The following XKR4 variants were observed in gnomAD, a reference collection of about 807,000 sequenced individuals.
XKR4 encodes XK-related protein 4.
XKR4 carries 12 observed loss-of-function variants against 53.9 expected under a neutral mutation model. That is an observed-to-expected ratio of 0.22 (90% CI 0.14 to 0.36). The LOEUF (loss-of-function observed/expected upper bound fraction) is 0.36, where lower values mean the gene tolerates loss of function less well. Among genes scored for constraint, XKR4 ranks in the 10% least tolerant of loss-of-function variants. XKR4 has a pLI of 1.00. For synonymous variants in XKR4, 354 were observed against 362.4 expected, an observed-to-expected ratio of 0.98 and a Z score of 0.26; for missense variants, 799 against 859.5, an observed-to-expected ratio of 0.93 and a Z score of 0.88.
chr8:55,452,412 G>A, intron 2 of XKR4: 1 of 627,260 alleles, frequency 1.6e-6, no homozygotes, highest in East Asian at 2.9e-5. Context: ...GGCGCCCTCA[G>A]CTGGGAGCAG....
intron 1 of XKR4, among the ~76,000 whole-genome samples, chr8:55,259,856 T>A (rs1187001680): frequency 1.3e-5 from 2 of 152,108 alleles, no homozygotes; most frequent in Non-Finnish European, 2.9e-5. Context: ...TTTATTCAAA[T>A]TCACTGAGAC....
At chr8:55,213,815 C>T (rs1314643611) in intron 1 of XKR4, among the ~76,000 whole-genome samples, 2 of 146,172 alleles carry the variant, frequency 1.4e-5, no homozygotes, top group Non-Finnish European at 1.5e-5. Flanking sequence ...TCAATAGAGT[C>T]AATAACAGTT....
intron 2 of XKR4, among the ~76,000 whole-genome samples, chr8:55,514,669 C>CA (rs1806685262): frequency 6.6e-6 from 1 of 151,672 alleles, no homozygotes; most frequent in Admixed American, 6.6e-5. Flanking sequence ...AGAAAAGCAA[C>CA]AAAAAAACAA....
At chr8:55,291,270 G>A (rs1819014855) in intron 1 of XKR4, among the ~76,000 whole-genome samples, 1 of 152,146 alleles carries the variant, frequency 6.6e-6, no homozygotes, top group South Asian at 2.1e-4. Context: ...TACTATAGAT[G>A]TATAATAAGT....
chr8:55,379,781 T>A (rs189801864), intron 2 of XKR4, among the ~76,000 whole-genome samples: 1 of 152,334 alleles, frequency 6.6e-6, no homozygotes, highest in East Asian at 1.9e-4. Flanking sequence ...TTCCAGGGCA[T>A]CTTCGGGTGG....
At chr8:55,170,810 T>A (rs1247717452) in intron 1 of XKR4, among the ~76,000 whole-genome samples, 2 of 152,110 alleles carry the variant, frequency 1.3e-5, no homozygotes, top group African/African-American at 2.4e-5. Flanking sequence ...TGGGATAAAG[T>A]TTTCCTCTGA....
chr8:55,265,555 G>A (rs1818585879), intron 1 of XKR4, among the ~76,000 whole-genome samples: 1 of 152,128 alleles, frequency 6.6e-6, no homozygotes. Flanking sequence ...TTCAACCTAA[G>A]AGTAAGAAAG....
intron 1 of XKR4, among the ~76,000 whole-genome samples, chr8:55,158,917 G>A (rs995997624): frequency 3.9e-5 from 6 of 152,178 alleles, no homozygotes; most frequent in Non-Finnish European, 7.3e-5. Flanking sequence ...GTAATGTGAT[G>A]TCTCCAGCTT....
At chr8:55,365,093 G>A (rs1803957017) in intron 2 of XKR4, among the ~76,000 whole-genome samples, 1 of 152,208 alleles carries the variant, frequency 6.6e-6, no homozygotes, top group Non-Finnish European at 1.5e-5. Flanking sequence ...AACTTGGGTA[G>A]GACCAGGGCA....
Position 55,467,854 on chromosome 8 carries a change from G to GT in XKR4, c.1007-55421dup, listed in dbSNP as rs1785506849. 5.3e-5 allele frequency among the ~76,000 whole-genome samples: 8 copies of GT among 152,128 alleles called. No homozygotes were observed. The South Asian group carries it at 1.0e-3, about 20-fold the overall frequency. On this transcript the variant is annotated intron_variant, in intron 2 of 2. Coordinates refer to ENST00000327381, the MANE Select transcript of XKR4 (RefSeq NM_052898.2). ...CTCTAAGGGTAATTATCTGTTACTTGTTTTTTAATAACCTCATGTTGAATA... is the reference window on the plus strand; with the variant it reads ...CTCTAAGGGTAATTATCTGTTACTTGTTTTTTTAATAACCTCATGTTGAATA...
chr8:55,480,025 G>C (rs1806074193), intron 2 of XKR4, among the ~76,000 whole-genome samples: 1 of 130,030 alleles, frequency 7.7e-6, no homozygotes, highest in African/African-American at 3.8e-5. Flanking sequence ...AATAGAAAAA[G>C]AGGGAATCCT....
intron 2 of XKR4, among the ~76,000 whole-genome samples, chr8:55,495,992 A>G (rs1806342082): frequency 6.6e-6 from 1 of 152,252 alleles, no homozygotes; most frequent in South Asian, 2.1e-4. Flanking sequence ...TCAAGGTCAA[A>G]TTAACTTGAG....
intron 2 of XKR4, among the ~76,000 whole-genome samples, chr8:55,418,747 G>A (rs569461252): frequency 3.3e-5 from 5 of 152,260 alleles, no homozygotes; most frequent in East Asian, 3.9e-4. Flanking sequence ...CAGTGATAGC[G>A]GCTGTTTCCT....
chr8:55,298,438 C>G (rs1819132065), intron 1 of XKR4, among the ~76,000 whole-genome samples: 3 of 152,146 alleles, frequency 2.0e-5, no homozygotes, highest in African/African-American at 7.2e-5. Context: ...ACCAGCATTA[C>G]TTCTGATGAG....
chr8:55,409,509 A>G (rs1804744015), intron 2 of XKR4, among the ~76,000 whole-genome samples: 1 of 152,192 alleles, frequency 6.6e-6, no homozygotes. Flanking sequence ...GTAAGACTCA[A>G]CAAGCGTAGA....
chr8:55,283,308 A>G (rs1818864868), intron 1 of XKR4, among the ~76,000 whole-genome samples: 1 of 152,186 alleles, frequency 6.6e-6, no homozygotes, highest in African/African-American at 2.4e-5. Context: ...AGAAGTAGCT[A>G]TGGAATAGTG....
At chr8:55,453,838 G>A (rs555525402) in intron 2 of XKR4, 259 of 505,224 alleles carry the variant, frequency 5.1e-4, no homozygotes, top group African/African-American at 3.0e-3. Context: ...GTGCCACATC[G>A]TGGGCCACCA....
chr8:55,141,530 G>A (rs1011540845), intron 1 of XKR4, among the ~76,000 whole-genome samples: 3 of 152,046 alleles, frequency 2.0e-5, no homozygotes, highest in East Asian at 1.9e-4. Context: ...AGAGAAGAGT[G>A]GGGGAAGGCC....
In XKR4 at chr8:55,312,174, C is replaced by T. The variant is rs181192022; in HGVS notation, c.807-45504C>T. Among the ~76,000 whole-genome samples, 8 of 141,710 alleles carry T rather than the reference C, an allele frequency of 5.6e-5. No homozygotes were observed. In the East Asian group the frequency reaches 1.8e-3, roughly 32 times the overall value. The allele number at this position is 141,710 out of a possible 152,430, so 93.0% of individuals were successfully genotyped here. On this transcript the variant is annotated intron_variant, in intron 1 of 2. Transcript: ENST00000327381. ...ATACAATGAAGTTTTTGCCTTTATT[C>T]ACTCTGACTCTGTTTTTTTTTTTAA... is the stretch of plus-strand genomic sequence containing the variant.
Sources: allele counts gnomAD v4.1 joint callset (sites outside exome capture counted in the v4.1 genomes callset), GRCh38; gene constraint gnomAD v4.1.1; transcripts MANE v1.5; gene names NCBI Gene and HGNC (gene_info 2026-07-23, HGNC 2026-07-21).